WAC: variants seen among roughly 807,000 people sequenced by gnomAD.
WAC encodes WW domain containing adaptor with coiled-coil, also known as WW domain-containing adapter protein with coiled-coil.
In WAC, 11 loss-of-function variants were observed where a neutral mutation model predicts 79.6. That is an observed-to-expected ratio of 0.14 (90% CI 0.09 to 0.23). The LOEUF (loss-of-function observed/expected upper bound fraction) is 0.23. WAC is among the 10% of genes least tolerant of loss of function. The pLI is 1.00. For missense variants in WAC, 728 were observed against 773.5 expected, an observed-to-expected ratio of 0.94 and a Z score of 0.70; for synonymous variants, 304 against 276.9, an observed-to-expected ratio of 1.10 and a Z score of -0.97.
intron 3 of WAC, among the ~76,000 whole-genome samples, chr10:28,559,616 C>G (rs1180544605): frequency 1.3e-5 from 2 of 152,126 alleles, no homozygotes; most frequent in African/African-American, 4.8e-5. Context: ...TGGGCTGATA[C>G]AAGGATGTTT....
intron 3 of WAC, among the ~76,000 whole-genome samples, chr10:28,548,863 A>G (rs990959276): frequency 6.6e-6 from 1 of 152,158 alleles, no homozygotes; most frequent in African/African-American, 2.4e-5. Flanking sequence ...TAGTGCAGCT[A>G]AGAAACTCAA....
chr10:28,543,709 C>T lies in WAC; in HGVS notation c.274+7952C>T, dbSNP rs11007145. On this transcript the variant is annotated intron_variant, in intron 3 of 13. Transcript: ENST00000354911. ...CTTGTACTAAAATTTTGTTAGTACA[C>T]GCTCATTGTAGAAAAATTAGGAAAT... 1.3e-3 allele frequency among the ~76,000 whole-genome samples: 198 copies of T among 152,198 alleles called. 3 individuals are homozygous for T. The East Asian group carries it at 0.03, about 23-fold the overall frequency.
intron 5 of WAC, 44 bp downstream of exon 5, chr10:28,589,895 G>A: frequency 7.9e-6 from 11 of 1,389,530 alleles, no homozygotes; most frequent in Non-Finnish European, 1.1e-5. Flanking sequence ...CTCTAGCTTG[G>A]TTCTACTGGT....
chr10:28,615,395 A>G (rs567243036), intron 11 of WAC: 1 of 152,338 alleles, frequency 6.6e-6, no homozygotes, highest in South Asian at 2.1e-4. Flanking sequence ...GAAGCTGTCT[A>G]CTTACTCCAG....
intron 3 of WAC, among the ~76,000 whole-genome samples, chr10:28,550,330 T>G (rs554661010): frequency 6.6e-6 from 1 of 151,984 alleles, no homozygotes; most frequent in African/African-American, 2.4e-5. Context: ...GTATGTGTTT[T>G]CATAGCCAAA....
intron 3 of WAC, among the ~76,000 whole-genome samples, chr10:28,546,583 T>C (rs1008033790): frequency 3.9e-5 from 6 of 152,204 alleles, no homozygotes; most frequent in African/African-American, 1.4e-4. Context: ...TAAAGAATAA[T>C]GAGTTAAGTC....
chr10:28,611,141 A>G, intron 9 of WAC: 2 of 704,652 alleles, frequency 2.8e-6, no homozygotes, highest in South Asian at 3.5e-5. Context: ...ATGATGTGCC[A>G]TATATCTTTG....
intron 7 of WAC, among the ~76,000 whole-genome samples, chr10:28,605,139 C>T (rs540955884): frequency 3.5e-4 from 54 of 152,288 alleles, no homozygotes; most frequent in African/African-American, 1.3e-3. Flanking sequence ...TAAAAGATTT[C>T]GCTTCTGTCC....
At chr10:28,593,819 G>C (rs554010153) in intron 6 of WAC, among the ~76,000 whole-genome samples, 1 of 151,914 alleles carries the variant, frequency 6.6e-6, no homozygotes, top group Non-Finnish European at 1.5e-5. Flanking sequence ...TTTAATTTGC[G>C]TTTAACTGCT....
At chr10:28,542,943 GTTT>G (rs1261933611) in intron 3 of WAC, among the ~76,000 whole-genome samples, 1 of 152,198 alleles carries the variant, frequency 6.6e-6, no homozygotes, top group Admixed American at 6.5e-5. Flanking sequence ...GGAAGTGAGA[GTTT>G]TAATGTTTTT....
intron 3 of WAC, among the ~76,000 whole-genome samples, chr10:28,576,800 T>G (rs1236985790): frequency 1.3e-5 from 2 of 152,228 alleles, no homozygotes; most frequent in East Asian, 3.8e-4. Context: ...GAGTCTCATA[T>G]GCAGTTTTAA....
At chr10:28,566,976 A>C (rs1310086089) in intron 3 of WAC, among the ~76,000 whole-genome samples, 4 of 144,614 alleles carry the variant, frequency 2.8e-5, no homozygotes, top group Admixed American at 1.4e-4. Context: ...CAGGACCTTC[A>C]GTTTTGCATA....
chr10:28,608,180 A>G lies in WAC; in HGVS notation c.920-6A>G, dbSNP rs1841052808. The G allele has an allele frequency of 6.2e-7, 1 of 1,612,650 alleles. No individual in the cohort carries two copies. Among genetic ancestry groups the G allele is most frequent in the Non-Finnish European group, 8.5e-7 (1 of 1,179,312 alleles). ...AATTTTTCAGGCTGATTATCTTTTT[A>G]TTTAGAATCTACATCAGGAGACAAA... On this transcript the variant is annotated splice_polypyrimidine_tract_variant and splice_region_variant and intron_variant, in intron 7 of 13. Coordinates refer to ENST00000354911, the MANE Select transcript of WAC (RefSeq NM_016628.5).
intron 6 of WAC, chr10:28,591,274 G>A (rs1039173307): frequency 1.2e-5 from 2 of 162,598 alleles, no homozygotes; most frequent in African/African-American, 4.8e-5. Flanking sequence ...TTACCAGTGA[G>A]TAACTTGTTT....
chr10:28,608,365 C>G lies in WAC; in HGVS notation c.1099C>G (p.Leu367Val), dbSNP rs774073452. The change falls in exon 8 of 14, where the codon CTT becomes GTT. Residue 367 changes from leucine (L) to valine (V), a missense_variant. Around this residue, in one of 3 missense-constraint regions of WAC, gnomAD observed 648 missense variants for 661.5 expected, o/e 0.98. Coordinates refer to ENST00000354911, the MANE Select transcript of WAC (RefSeq NM_016628.5). ...LQDPNLLRQL[L>V]PALQATLQLN... ...GGACCCAAATCTTCTTAGACAATTG[C>G]TTCCTGCTTTGCAAGCCACGCTGCA... is the stretch of plus-strand genomic sequence containing the variant. 6.2e-6 allele frequency: 10 copies of G among 1,613,898 alleles called. No homozygotes were observed. The highest frequency in any genetic ancestry group is 6.8e-6 in the Non-Finnish European group (8 of 1,179,964).
At chr10:28,571,607 A>T (rs528389826) in intron 3 of WAC, among the ~76,000 whole-genome samples, 1 of 152,346 alleles carries the variant, frequency 6.6e-6, no homozygotes, top group East Asian at 1.9e-4. Context: ...TTACTTTACT[A>T]TCTTAATGTA....
At chr10:28,584,031 T>A (rs1053856468) in intron 4 of WAC, among the ~76,000 whole-genome samples, 5 of 152,336 alleles carry the variant, frequency 3.3e-5, no homozygotes, top group South Asian at 2.1e-4. Context: ...AGTCATAGGT[T>A]TAAATGAAAT....
intron 2 of WAC, among the ~76,000 whole-genome samples, chr10:28,535,076 A>G (rs1234283533): frequency 6.7e-6 from 1 of 150,260 alleles, no homozygotes; most frequent in East Asian, 1.9e-4. Flanking sequence ...TAGGTCTGAA[A>G]TGCTTTATTT....
rs182290095 is a variant in WAC, at chr10:28,606,964, A to C, written c.920-1222A>C. On this transcript the variant is annotated intron_variant, in intron 7 of 13. Transcript: ENST00000354911. The stretch of plus-strand genomic sequence containing the variant: ...GTATGTCTGACTTTAAAATTTTTGC[A>C]TTATGGTGAGTGTAAAGGGTTATGT... 1.6e-4 allele frequency among the ~76,000 whole-genome samples: 24 copies of C among 152,282 alleles called. No homozygotes were observed. The East Asian group carries it at 4.6e-3, about 29-fold the overall frequency.
Sources: allele counts gnomAD v4.1 joint callset (sites outside exome capture counted in the v4.1 genomes callset), GRCh38; gene constraint gnomAD v4.1.1; regional missense constraint gnomAD v4.1.1; transcripts MANE v1.5; gene names NCBI Gene and HGNC (gene_info 2026-07-23, HGNC 2026-07-21).